The following SCAPER variants were observed in gnomAD, a reference collection of about 807,000 sequenced individuals.
The protein encoded by SCAPER is S-phase cyclin A associated protein in the ER.
In SCAPER, 98 loss-of-function variants were observed where a neutral mutation model predicts 182.2. The ratio of observed to expected loss-of-function variants is 0.54; its 90% confidence interval spans 0.46 to 0.64. SCAPER has a LOEUF of 0.64. SCAPER is among the 30% of genes least tolerant of loss of function. The pLI is 0.00. For missense variants in SCAPER, 1,432 were observed against 1,690.0 expected (o/e 0.85, Z 2.68); for synonymous variants, 605 against 564.6 (o/e 1.07, Z -1.01).
chr15:76,836,540 C>G (rs973872804), intron 5 of SCAPER, among the ~76,000 whole-genome samples: 16 of 152,116 alleles, frequency 1.1e-4, no homozygotes, highest in African/African-American at 3.9e-4. Flanking sequence ...GGACCACTTC[C>G]TTTCACCATA....
intron 23 of SCAPER, among the ~76,000 whole-genome samples, chr15:76,537,778 G>C (rs1461524900): frequency 6.6e-6 from 1 of 152,078 alleles, no homozygotes; most frequent in African/African-American, 2.4e-5. Context: ...AGAGTGAACA[G>C]GCAACCTACA....
In SCAPER at chr15:76,504,949, T is replaced by G; in HGVS notation, c.2864A>C (p.Gln955Pro). 6.2e-7 allele frequency: 1 copy of G among 1,612,512 alleles called. No homozygotes were observed. Among genetic ancestry groups the G allele is most frequent in the Non-Finnish European group, 8.5e-7 (1 of 1,179,394 alleles). ...AAGGGCTGTTAATCCACCAGCAGCTTGAAATGCAATCTGATCTGCCACATT... is the reference window on the plus strand; with the variant it reads ...AAGGGCTGTTAATCCACCAGCAGCTGGAAATGCAATCTGATCTGCCACATT... ...KENVADQIAF[Q>P]AAGGLTALEH... is the part of the protein sequence containing the mutation. Residue 955 changes from glutamine (Q) to proline (P), a missense_variant, in exon 24 of 32, where the codon CAA becomes CCA. This residue lies in a region of SCAPER where 718 missense variants were observed against 799.7 expected (regional missense o/e 0.90). Transcript: ENST00000563290.
rs1253298287 is a variant in SCAPER at position 76,721,588 on chromosome 15, C to G, written c.2165+7007G>C. ...GAATGTTCTTCCATTTGTTTGTGTCCTCTTTTATTTCATTGAGCAGTGGTT... is the reference window on the plus strand; with the variant it reads ...GAATGTTCTTCCATTTGTTTGTGTCGTCTTTTATTTCATTGAGCAGTGGTT... On this transcript the variant is annotated intron_variant, in intron 17 of 31. Coordinates refer to ENST00000563290, the MANE Select transcript of SCAPER (RefSeq NM_020843.4). Among the ~76,000 whole-genome samples, 4 of 152,022 alleles carry G rather than the reference C, an allele frequency of 2.6e-5. No individual in the cohort carries two copies. The East Asian group carries it at 7.8e-4, about 29-fold the overall frequency.
chr15:76,711,158 G>A (rs575904838), intron 17 of SCAPER, among the ~76,000 whole-genome samples: 1 of 152,204 alleles, frequency 6.6e-6, no homozygotes, highest in African/African-American at 2.4e-5. Flanking sequence ...CAATTTCTTA[G>A]ATATGAAAAC....
At chr15:76,823,803 A>G (rs2067766397) in intron 5 of SCAPER, among the ~76,000 whole-genome samples, 1 of 152,032 alleles carries the variant, frequency 6.6e-6, no homozygotes, top group Admixed American at 6.6e-5. Flanking sequence ...TATAATTCAA[A>G]TTTTTTAATC....
rs10524497 is a variant in SCAPER, at chr15:76,370,291, ATTTTTTTTTTT to A, written c.3855+5860_3855+5870del. Among the ~76,000 whole-genome samples the A allele has an allele frequency of 5.5e-3, 657 of 119,388 alleles. 4 individuals carry two copies. The highest frequency in any genetic ancestry group is 6.6e-3 in the Non-Finnish European group (401 of 60,410). 78.3% of individuals were successfully genotyped at this position (119,388 alleles called of 152,430 possible). ...GTATAACATATAATTTACCATTTCA[ATTTTTTTTTTT>A]TTTTTTTTTTTTTTGTTTTAAAGAC... On this transcript the variant is annotated intron_variant, in intron 29 of 31. Coordinates refer to ENST00000563290, the MANE Select transcript of SCAPER (RefSeq NM_020843.4).
intron 15 of SCAPER, among the ~76,000 whole-genome samples, chr15:76,742,466 T>TAAAAAAAAAAAAAAA (rs55751202): frequency 2.7e-5 from 1 of 37,026 alleles, no homozygotes; most frequent in Non-Finnish European, 4.7e-5. Flanking sequence ...TGTCTTTTCC[T>TAAAAAAAAAAAAAAA]AAAAAAAAAA....
intron 16 of SCAPER, among the ~76,000 whole-genome samples, 167 bp downstream of exon 16, chr15:76,733,062 T>C (rs975042217): frequency 2.6e-5 from 4 of 152,218 alleles, no homozygotes; most frequent in African/African-American, 9.6e-5. Context: ...GTCTTGGTGG[T>C]AGTGGTCCCC....
At chr15:76,654,971 A>G (rs571946068) in intron 21 of SCAPER, among the ~76,000 whole-genome samples, 9 of 152,246 alleles carry the variant, frequency 5.9e-5, no homozygotes, top group Non-Finnish European at 1.0e-4. Flanking sequence ...TAGTGCAAGA[A>G]CTACGGTATC....
chr15:76,880,184 T>C (rs931159522), intron 2 of SCAPER, among the ~76,000 whole-genome samples: 2 of 152,236 alleles, frequency 1.3e-5, no homozygotes, highest in Non-Finnish European at 2.9e-5. Context: ...AAACTTACTC[T>C]TTTCTTGATA....
chr15:76,853,294 T>C (rs2151840448), intron 4 of SCAPER, among the ~76,000 whole-genome samples: 1 of 152,262 alleles, frequency 6.6e-6, no homozygotes, highest in South Asian at 2.1e-4. Context: ...TTCCAAAAAA[T>C]TGAGGAGAAA....
intron 23 of SCAPER, among the ~76,000 whole-genome samples, chr15:76,569,779 A>G (rs1297258807): frequency 6.6e-6 from 1 of 151,664 alleles, no homozygotes; most frequent in Non-Finnish European, 1.5e-5. Flanking sequence ...TCTATCTTCC[A>G]GTGCTTGCTT....
chr15:76,382,795 C>T (rs2043037464), intron 27 of SCAPER, among the ~76,000 whole-genome samples: 1 of 152,102 alleles, frequency 6.6e-6, no homozygotes, highest in Admixed American at 6.6e-5. Flanking sequence ...TTTGCTGAGA[C>T]GCTTGGGAAG....
chr15:76,537,761 T>C (rs980779137), intron 23 of SCAPER, among the ~76,000 whole-genome samples: 1 of 152,104 alleles, frequency 6.6e-6, no homozygotes, highest in African/African-American at 2.4e-5. Context: ...CAAAACAAAC[T>C]ACCATCAGAG....
intron 28 of SCAPER, chr15:76,380,462 A>G (rs185889081): frequency 6.6e-6 from 1 of 152,256 alleles, no homozygotes; most frequent in Non-Finnish European, 1.5e-5. Context: ...ACATCAATTA[A>G]AGAATGGCAC....
chr15:76,764,962 C>T lies in SCAPER; in HGVS notation c.1724G>A (p.Arg575Lys). 1 of 1,571,350 alleles carries T rather than the reference C, an allele frequency of 6.4e-7. No homozygotes were observed. ...ATTTCCTAAAAAATAAAAACTCACCCTTTCTAACAATTTCTGAAGCTTCAA... is the reference window on the plus strand; with the variant it reads ...ATTTCCTAAAAAATAAAAACTCACCTTTTCTAACAATTTCTGAAGCTTCAA... The part of the protein sequence containing the change: ...KTLKLQKLLE[R>K]EKDVRKWKEE... Residue 575 changes from arginine (R) to lysine (K), a missense_variant and splice_region_variant, in exon 14 of 32, where the codon AGG (arginine) becomes AAG (lysine). By Grantham distance (26) the Arg-to-Lys change is conservative. This residue lies in a region of SCAPER where 128 missense variants were observed against 149.9 expected (regional missense o/e 0.85). Transcript: ENST00000563290.
At position 76,795,229 on chromosome 15, in the gene SCAPER, C is replaced by T. The variant is rs1048088675; in HGVS notation, c.772+51G>A. ...CCAATTTTAAACAAAATAAGTATCT[C>T]TATATATCCACCTGTTTACTACACA... On this transcript the variant is annotated intron_variant, in intron 8 of 31. Transcript: ENST00000563290. 7 of 1,541,712 alleles carry T rather than the reference C, an allele frequency of 4.5e-6. No homozygotes were observed. The Admixed American group carries it at 8.8e-5, about 19-fold the overall frequency.
chr15:76,878,538 G>T (rs2073331203), intron 2 of SCAPER, among the ~76,000 whole-genome samples: 1 of 152,086 alleles, frequency 6.6e-6, no homozygotes, highest in African/African-American at 2.4e-5. Context: ...ATTAAAAAAT[G>T]AAAAAGCAAG....
intron 5 of SCAPER, 81 bp downstream of exon 5, chr15:76,841,650 GAAA>G: frequency 1.6e-6 from 2 of 1,266,634 alleles, no homozygotes; most frequent in Non-Finnish European, 2.1e-6. Context: ...CCATCTCAAA[GAAA>G]AAAAAAAGAT....
Sources: allele counts gnomAD v4.1 joint callset (sites outside exome capture counted in the v4.1 genomes callset), GRCh38; gene constraint gnomAD v4.1.1; regional missense constraint gnomAD v4.1.1; transcripts MANE v1.5; gene names NCBI Gene and HGNC (gene_info 2026-07-23, HGNC 2026-07-21).